CSTPP1: variants seen among roughly 807,000 people sequenced by gnomAD.
The protein encoded by CSTPP1 is centriolar satellite-associated tubulin polyglutamylase complex regulator 1, also known as UPF0705 protein C11orf49.
chr11:47,139,454 A>C, the CSTPP1 span, among the ~76,000 whole-genome samples: 111 of 152,274 alleles, frequency 7.3e-4, 1 homozygote, highest in East Asian at 4.4e-3. Context: ...TGGATGGATC[A>C]CCTGAGGTCA....
chr11:47,127,865 T>G, the CSTPP1 span, among the ~76,000 whole-genome samples: 107 of 151,944 alleles, frequency 7.0e-4, no homozygotes, highest in African/African-American at 2.5e-3. Context: ...TCAGGAGCCT[T>G]GATTATTATT....
At chr11:46,936,776 C>A in the CSTPP1 span, 1 of 1,609,618 alleles carries the variant, frequency 6.2e-7, no homozygotes, top group Non-Finnish European at 8.5e-7. Flanking sequence ...AGCCGGAGAG[C>A]TGGAGCTTTG....
chr11:47,065,953 G>A, the CSTPP1 span, among the ~76,000 whole-genome samples: 2 of 142,346 alleles, frequency 1.4e-5, no homozygotes, highest in African/African-American at 2.8e-5. Flanking sequence ...CATCTTTGCT[G>A]AATTCATTTA....
chr11:47,036,605 G>A, the CSTPP1 span, among the ~76,000 whole-genome samples: 2 of 126,080 alleles, frequency 1.6e-5, no homozygotes, highest in African/African-American at 5.0e-5. Flanking sequence ...GGAAAGGGAA[G>A]ATGATAGAAT....
the CSTPP1 span, among the ~76,000 whole-genome samples, chr11:47,016,419 A>G: frequency 6.6e-6 from 1 of 151,876 alleles, no homozygotes; most frequent in Non-Finnish European, 1.5e-5. Flanking sequence ...AACAAAAAAA[A>G]AACGCTACTA....
At chr11:47,145,387 C>G in the CSTPP1 span, among the ~76,000 whole-genome samples, 1 of 151,804 alleles carries the variant, frequency 6.6e-6, no homozygotes, top group African/African-American at 2.4e-5. Flanking sequence ...GTCAGGAGTT[C>G]GAGACCAGCC....
the CSTPP1 span, among the ~76,000 whole-genome samples, chr11:47,121,450 G>C: frequency 6.6e-6 from 1 of 152,110 alleles, no homozygotes; most frequent in African/African-American, 2.4e-5. Context: ...AGATATTACT[G>C]TGTAAGGTAC....
chr11:47,110,323 T>C, the CSTPP1 span, among the ~76,000 whole-genome samples: 1 of 152,170 alleles, frequency 6.6e-6, no homozygotes, highest in Admixed American at 6.5e-5. Context: ...TAGCTAAGAA[T>C]GTAGCAATTA....
the CSTPP1 span, among the ~76,000 whole-genome samples, chr11:47,075,926 CAAAAAAAAAAAA>C: frequency 1.5e-3 from 53 of 35,826 alleles, no homozygotes; most frequent in African/African-American, 3.7e-3. Flanking sequence ...GATTCATTCT[CAAAAAAAAAAAA>C]AAAAAAAAAA....
chr11:46,936,822 G>C, the CSTPP1 span: 2 of 1,606,830 alleles, frequency 1.2e-6, no homozygotes, highest in Admixed American at 1.7e-5. Context: ...AGTCCGGAGC[G>C]CCTAGCCCTA....
chr11:47,065,735 A>G, the CSTPP1 span, among the ~76,000 whole-genome samples: 26 of 151,792 alleles, frequency 1.7e-4, no homozygotes, highest in South Asian at 4.2e-3. Flanking sequence ...TAAAAATATA[A>G]TTGATTATTA....
At chr11:47,129,721 G>A in the CSTPP1 span, among the ~76,000 whole-genome samples, 1 of 152,134 alleles carries the variant, frequency 6.6e-6, no homozygotes, top group Non-Finnish European at 1.5e-5. Context: ...GATTGCCATG[G>A]TATGTCCTAC....
the CSTPP1 span, among the ~76,000 whole-genome samples, chr11:47,070,776 TTG>T: frequency 6.6e-6 from 1 of 152,164 alleles, no homozygotes; most frequent in Non-Finnish European, 1.5e-5. Flanking sequence ...AGCCCTGGTC[TTG>T]TCACTGCTGC....
chr11:47,112,701 A>G, the CSTPP1 span, among the ~76,000 whole-genome samples: 1 of 152,044 alleles, frequency 6.6e-6, no homozygotes, highest in Non-Finnish European at 1.5e-5. Flanking sequence ...GAGCTTGTCT[A>G]TTTCTTCTCT....
chr11:46,943,329 G>C, the CSTPP1 span, among the ~76,000 whole-genome samples: 1 of 152,226 alleles, frequency 6.6e-6, no homozygotes, highest in Non-Finnish European at 1.5e-5. Flanking sequence ...CAAATAACAA[G>C]TTGTAAGTGG....
At chr11:47,110,939 G>GAC in the CSTPP1 span, among the ~76,000 whole-genome samples, 1 of 140,152 alleles carries the variant, frequency 7.1e-6, no homozygotes, top group Non-Finnish European at 1.5e-5. Flanking sequence ...GCCCAGGCTG[G>GAC]AGTGCAGTGG....
chr11:46,984,527 A>G, the CSTPP1 span, among the ~76,000 whole-genome samples: 1 of 152,030 alleles, frequency 6.6e-6, no homozygotes, highest in Non-Finnish European at 1.5e-5. Flanking sequence ...GGTCCAATAT[A>G]TTTCTTTCTT....
the CSTPP1 span, chr11:47,159,581 C>G: frequency 2.2e-6 from 1 of 456,000 alleles, no homozygotes; most frequent in South Asian, 1.5e-5. Flanking sequence ...GGGATCTGCC[C>G]TGGTGTTCTT....
chr11:47,142,870 G>A, the CSTPP1 span, among the ~76,000 whole-genome samples: 28 of 152,084 alleles, frequency 1.8e-4, 2 homozygotes, highest in Admixed American at 1.2e-3. Flanking sequence ...CTCTATTTGC[G>A]GCTGGAAACT....
Sources: gnomAD v4.1 joint callset for allele counts (sites outside exome capture counted in the v4.1 genomes callset) on GRCh38, gnomAD v4.1.1 for gene constraint, MANE v1.5 for transcripts, NCBI Gene and HGNC (gene_info 2026-07-23, HGNC 2026-07-21) for gene names.